Variants in ARHGAP6 observed in about 807,000 individuals in gnomAD.
The protein encoded by ARHGAP6 is Rho GTPase activating protein 6, also known as rho GTPase-activating protein 6.
ARHGAP6 carries 16 observed loss-of-function variants against 55.7 expected under a neutral mutation model. That is an observed-to-expected ratio of 0.29 (90% CI 0.19 to 0.44). The LOEUF is 0.44. ARHGAP6 is among the 20% of genes least tolerant of loss of function. The pLI is 1.00. For synonymous variants in ARHGAP6, 382 were observed against 360.9 expected (o/e 1.06, Z -0.66); for missense variants, 698 against 808.9 (o/e 0.86, Z 1.66).
At chrX:11,514,102 C>A (rs956041001) in intron 1 of ARHGAP6, among the ~76,000 whole-genome samples, 1 of 89,804 alleles carries the variant, frequency 1.1e-5, no homozygotes, top group African/African-American at 4.4e-5. Context: ...GTGGAGGTTG[C>A]AGTGAGCTAA....
At chrX:11,413,061 G>A (rs1046666743) in intron 1 of ARHGAP6, among the ~76,000 whole-genome samples, 1 of 112,033 alleles carries the variant, frequency 8.9e-6, no homozygotes, top group Admixed American at 9.5e-5. Context: ...TTTTCAACTG[G>A]AATTTCCTCC....
rs762996811 is a variant in ARHGAP6 at position 11,312,860 on chromosome X, C to CT, written c.589-58154dup. On this transcript the variant is annotated intron_variant, in intron 1 of 12. Coordinates refer to ENST00000337414, the MANE Select transcript of ARHGAP6 (RefSeq NM_013427.3). ...AAATAAATCAGGAATCTGACCCCTC[C>CT]TCTCCATCTTTACTTTCATCACTCC... Among the ~76,000 whole-genome samples the CT allele has an allele frequency of 3.8e-3, 428 of 111,565 alleles. 6 individuals are homozygous for CT. Among genetic ancestry groups the CT allele is most frequent in the African/African-American group, 0.013 (414 of 30,707 alleles).
chrX:11,372,945 A>G (rs1448166961), intron 1 of ARHGAP6, among the ~76,000 whole-genome samples: 1 of 109,944 alleles, frequency 9.1e-6, no homozygotes, highest in East Asian at 2.8e-4. Flanking sequence ...ATCAGGTACA[A>G]AAAATTTGGA....
At chrX:11,217,309 G>A (rs1325500143) in intron 2 of ARHGAP6, among the ~76,000 whole-genome samples, 1 of 111,897 alleles carries the variant, frequency 8.9e-6, no homozygotes, top group Non-Finnish European at 1.9e-5. Flanking sequence ...CACAATGGTT[G>A]AACTAATTTA....
At chrX:11,175,211 A>C (rs1273852839) in intron 8 of ARHGAP6, among the ~76,000 whole-genome samples, 2 of 111,521 alleles carry the variant, frequency 1.8e-5, no homozygotes, top group African/African-American at 6.5e-5. Context: ...AACATGGCCC[A>C]ATTTCCCATT....
At chrX:11,481,231 G>A (rs772449995) in intron 1 of ARHGAP6, among the ~76,000 whole-genome samples, 5 of 111,248 alleles carry the variant, frequency 4.5e-5, no homozygotes, top group Non-Finnish European at 9.4e-5. Flanking sequence ...CCTTCCCCAG[G>A]ATCCTCCGTG....
chrX:11,332,907 C>T (rs2048579145), intron 1 of ARHGAP6, among the ~76,000 whole-genome samples: 1 of 111,689 alleles, frequency 9.0e-6, no homozygotes, highest in Admixed American at 9.5e-5. Flanking sequence ...ACAAGGATTC[C>T]TCTTGCTACC....
chrX:11,646,851 T>C (rs2052533584), intron 1 of ARHGAP6, among the ~76,000 whole-genome samples: 1 of 112,487 alleles, frequency 8.9e-6, no homozygotes, highest in Non-Finnish European at 1.9e-5. Flanking sequence ...ATCTACAAAT[T>C]CCTACCATGA....
chrX:11,298,412 G>A, intron 1 of ARHGAP6: 2 of 1,122,045 alleles, frequency 1.8e-6, no homozygotes, highest in East Asian at 3.0e-5. Context: ...TCATATCTGT[G>A]TACACAGTTA....
chrX:11,559,575 T>G (rs1250912798), intron 1 of ARHGAP6, among the ~76,000 whole-genome samples: 1 of 111,862 alleles, frequency 8.9e-6, no homozygotes, highest in Non-Finnish European at 1.9e-5. Flanking sequence ...TTCCCAGGCT[T>G]GAACATAACA....
chrX:11,285,819 T>C (rs982784268), intron 1 of ARHGAP6, among the ~76,000 whole-genome samples: 10 of 112,564 alleles, frequency 8.9e-5, no homozygotes, highest in African/African-American at 2.9e-4. Context: ...GTCACACTTA[T>C]ATTTTCTGAA....
chrX:11,413,234 A>T (rs1326752632), intron 1 of ARHGAP6, among the ~76,000 whole-genome samples: 1 of 112,438 alleles, frequency 8.9e-6, no homozygotes, highest in East Asian at 2.8e-4. Context: ...ATCTGGTGGA[A>T]GCCATGGTTT....
intron 2 of ARHGAP6, among the ~76,000 whole-genome samples, chrX:11,235,872 GTTTCAAAC>G (rs2047193033): frequency 9.0e-6 from 1 of 111,682 alleles, no homozygotes; most frequent in Non-Finnish European, 1.9e-5. Flanking sequence ...TCTCTAGGAA[GTTTCAAAC>G]TTTCAAACTT....
At chrX:11,526,573 CA>C (rs1382487269) in intron 1 of ARHGAP6, among the ~76,000 whole-genome samples, 1 of 111,547 alleles carries the variant, frequency 9.0e-6, no homozygotes, top group Non-Finnish European at 1.9e-5. Flanking sequence ...AAAGAAATTT[CA>C]TTCATCTTGG....
intron 1 of ARHGAP6, among the ~76,000 whole-genome samples, chrX:11,434,203 G>A (rs2049966585): frequency 8.9e-6 from 1 of 112,326 alleles, no homozygotes. Flanking sequence ...AATGTCTAGA[G>A]TGCCAAGGCG....
At chrX:11,201,316 T>C (rs1602849667) in intron 2 of ARHGAP6, among the ~76,000 whole-genome samples, 1 of 112,315 alleles carries the variant, frequency 8.9e-6, no homozygotes, top group East Asian at 2.8e-4. Flanking sequence ...ACAGTAGTAA[T>C]AAATAGTGTT....
intron 3 of ARHGAP6, among the ~76,000 whole-genome samples, chrX:11,195,959 CAAAA>C (rs1024986729): frequency 1.2e-4 from 1 of 8,414 alleles, no homozygotes; most frequent in Non-Finnish European, 2.5e-4. Flanking sequence ...ACTAAAAATA[CAAAA>C]AAAAAAAAAA....
intron 10 of ARHGAP6, among the ~76,000 whole-genome samples, chrX:11,147,657 T>C (rs954724554): frequency 5.3e-5 from 6 of 113,012 alleles, no homozygotes; most frequent in African/African-American, 1.9e-4. Flanking sequence ...AAAAGCAGCT[T>C]GTCAAATTTA....
At chrX:11,435,370 C>T (rs1375429512) in intron 1 of ARHGAP6, among the ~76,000 whole-genome samples, 2 of 112,143 alleles carry the variant, frequency 1.8e-5, no homozygotes, top group South Asian at 3.7e-4. Flanking sequence ...AAAGATATTA[C>T]CTGGAAAGAT....
Sources: gnomAD v4.1 joint callset for allele counts (sites outside exome capture counted in the v4.1 genomes callset) on GRCh38, gnomAD v4.1.1 for gene constraint, MANE v1.5 for transcripts, NCBI Gene and HGNC (gene_info 2026-07-23, HGNC 2026-07-21) for gene names.